ANKS1B: variants seen among roughly 807,000 people sequenced by gnomAD.
ANKS1B encodes ankyrin repeat and sterile alpha motif domain containing 1B.
ANKS1B carries 36 observed loss-of-function variants against 148.3 expected under a neutral mutation model. The ratio of observed to expected loss-of-function variants is 0.24; its 90% CI spans 0.19 to 0.32. ANKS1B has a LOEUF of 0.32. Ranked by LOEUF, ANKS1B falls within the 10% of genes least tolerant of loss-of-function variation. ANKS1B has a pLI of 1.00. For synonymous variants in ANKS1B, 542 were observed against 560.8 expected, an observed-to-expected ratio of 0.97 and a Z score of 0.47; for missense variants, 1,157 against 1,542.6, an observed-to-expected ratio of 0.75 and a Z score of 4.19.
At position 98,786,828 on chromosome 12, in the gene ANKS1B, C is replaced by T. The variant is rs77817277; in HGVS notation, c.3343-4691G>A. ...AACAGTGAGGCTAATGTGGGGAGGA[C>T]GCCACCAACCCTTCATTCTTACAAT... On this transcript the variant is annotated intron_variant, in intron 22 of 26. Coordinates refer to ENST00000683438, the MANE Select transcript of ANKS1B (RefSeq NM_001352186.2). Among the ~76,000 whole-genome samples the T allele has an allele frequency of 4.2e-3, 636 of 152,256 alleles. 4 individuals carry two copies. The highest frequency in any genetic ancestry group is 0.014 in the African/African-American group (590 of 41,536).
chr12:99,802,621 A>C (rs1230539239), intron 4 of ANKS1B, among the ~76,000 whole-genome samples: 2 of 152,152 alleles, frequency 1.3e-5, no homozygotes, highest in Admixed American at 1.3e-4. Flanking sequence ...TGCATTTAAA[A>C]ACATATGTAG....
chr12:99,048,054 TGAA>T (rs1409441330), intron 17 of ANKS1B, among the ~76,000 whole-genome samples: 1 of 152,184 alleles, frequency 6.6e-6, no homozygotes, highest in Non-Finnish European at 1.5e-5. Flanking sequence ...CTGGTCCTGA[TGAA>T]GAATACTTAG....
intron 17 of ANKS1B, among the ~76,000 whole-genome samples, chr12:98,892,661 C>T (rs905820871): frequency 6.6e-5 from 10 of 152,200 alleles, no homozygotes; most frequent in African/African-American, 2.4e-4. Context: ...AAACTGCTGA[C>T]AAATAAGTGC....
chr12:99,588,033 T>C (rs139232904), intron 9 of ANKS1B, among the ~76,000 whole-genome samples: 49 of 152,212 alleles, frequency 3.2e-4, no homozygotes, highest in African/African-American at 1.0e-3. Flanking sequence ...ACATATTACA[T>C]AGCCTTTCTA....
chr12:99,841,814 A>G (rs1003935924), intron 1 of ANKS1B, among the ~76,000 whole-genome samples: 5 of 152,074 alleles, frequency 3.3e-5, no homozygotes, highest in East Asian at 3.9e-4. Flanking sequence ...GTTATTGTCC[A>G]TATTTACAGT....
At chr12:99,749,115 T>C (rs1415120538) in intron 8 of ANKS1B, among the ~76,000 whole-genome samples, 1 of 152,122 alleles carries the variant, frequency 6.6e-6, no homozygotes, top group African/African-American at 2.4e-5. Context: ...CACTGAGATG[T>C]AACTGAACAT....
At chr12:99,475,172 A>G (rs2096297648) in intron 10 of ANKS1B, among the ~76,000 whole-genome samples, 1 of 150,304 alleles carries the variant, frequency 6.7e-6, no homozygotes, top group African/African-American at 2.5e-5. Context: ...TGAACCCAGG[A>G]AACAGAGGTT....
At chr12:99,590,722 A>C (rs1016252617) in intron 9 of ANKS1B, among the ~76,000 whole-genome samples, 8 of 152,204 alleles carry the variant, frequency 5.3e-5, no homozygotes, top group Admixed American at 1.3e-4. Flanking sequence ...CTACAGGTAA[A>C]AGAAGTGGTG....
intron 16 of ANKS1B, 36 bp downstream of exon 16, chr12:99,084,889 C>A: frequency 6.5e-7 from 1 of 1,527,036 alleles, no homozygotes; most frequent in Non-Finnish European, 9.0e-7. Flanking sequence ...CACTGGGAAC[C>A]GTACACAGGA....
At chr12:99,585,715 G>A (rs2097628679) in intron 9 of ANKS1B, among the ~76,000 whole-genome samples, 5 of 152,160 alleles carry the variant, frequency 3.3e-5, no homozygotes, top group Admixed American at 3.3e-4. Context: ...TTCTTGTCTT[G>A]TGTACACTGA....
rs573238312 is a variant in ANKS1B, at chr12:99,053,238, G to T, written c.2697C>A (p.Gly899=). Residue 899 remains glycine (G), a synonymous_variant, in exon 17 of 27, where the codon GGC becomes GGA. Coordinates refer to ENST00000683438, the MANE Select transcript of ANKS1B (RefSeq NM_001352186.2). ...TAATTAGAAAGGCTTTGGTGTAGTC[G>T]CCCAGTTCAATGGAATCCAGCCACT... ...VAEWLDSIEL[G]DYTKAFLING... is the part of the protein sequence containing the mutation. The T allele has an allele frequency of 6.8e-6, 11 of 1,610,886 alleles. No individual in the cohort carries two copies. Among genetic ancestry groups the T allele is most frequent in the Non-Finnish European group, 8.5e-6 (10 of 1,178,640 alleles).
intron 17 of ANKS1B, among the ~76,000 whole-genome samples, chr12:98,891,009 A>G (rs568355872): frequency 1.4e-4 from 21 of 152,358 alleles, no homozygotes; most frequent in African/African-American, 4.1e-4. Context: ...GATTTCCCAG[A>G]GAATGTTCTT....
chr12:99,495,859 T>C (rs1199531750), intron 10 of ANKS1B, among the ~76,000 whole-genome samples: 1 of 152,206 alleles, frequency 6.6e-6, no homozygotes. Flanking sequence ...AGTTTCACCA[T>C]TCAAAAAATA....
At chr12:99,268,934 A>C (rs1005231022) in intron 12 of ANKS1B, among the ~76,000 whole-genome samples, 1 of 152,250 alleles carries the variant, frequency 6.6e-6, no homozygotes, top group African/African-American at 2.4e-5. Context: ...CTAACATGGA[A>C]AGCAAAATGA....
chr12:98,839,492 C>T (rs1004032458), intron 17 of ANKS1B, among the ~76,000 whole-genome samples: 2 of 152,068 alleles, frequency 1.3e-5, no homozygotes, highest in Non-Finnish European at 2.9e-5. Context: ...ATGAGAATGA[C>T]TAGGAAGCTT....
At chr12:98,848,369 C>CATTA (rs2099495218) in intron 17 of ANKS1B, among the ~76,000 whole-genome samples, 1 of 152,056 alleles carries the variant, frequency 6.6e-6, no homozygotes, top group Non-Finnish European at 1.5e-5. Flanking sequence ...TGTGGCATGT[C>CATTA]ATTAATTAAT....
At chr12:99,643,994 C>G (rs2098334699) in intron 9 of ANKS1B, among the ~76,000 whole-genome samples, 1 of 152,132 alleles carries the variant, frequency 6.6e-6, no homozygotes, top group African/African-American at 2.4e-5. Flanking sequence ...GAGAATGTTC[C>G]AACCATCAAG....
intron 15 of ANKS1B, among the ~76,000 whole-genome samples, chr12:99,117,793 T>C (rs1405686399): frequency 1.3e-5 from 2 of 152,226 alleles, no homozygotes; most frequent in African/African-American, 4.8e-5. Context: ...TCTTTGCACA[T>C]CTGGTAGAAT....
intron 17 of ANKS1B, chr12:98,895,177 C>G (rs547183576): frequency 7.1e-6 from 7 of 985,154 alleles, no homozygotes; most frequent in Non-Finnish European, 8.4e-6. Flanking sequence ...GGCCCAGGCG[C>G]GGCGCGCGGG....
Sources: gnomAD v4.1 joint callset for allele counts (sites outside exome capture counted in the v4.1 genomes callset) on GRCh38, gnomAD v4.1.1 for gene constraint, MANE v1.5 for transcripts, NCBI Gene and HGNC (gene_info 2026-07-23, HGNC 2026-07-21) for gene names.